RIN2: variants seen among roughly 807,000 people sequenced by gnomAD.
RIN2 encodes the protein Ras and Rab interactor 2.
In RIN2, 36 loss-of-function variants were observed where a neutral mutation model predicts 78.0. The observed-to-expected ratio is 0.46, with a 90% confidence interval of 0.35 to 0.61. RIN2 has a LOEUF of 0.61. Among genes scored for constraint, RIN2 ranks in the 20% least tolerant of loss-of-function variants. The pLI, the probability that RIN2 is intolerant of heterozygous loss-of-function variation, is 0.00. For synonymous variants in RIN2, 466 were observed against 466.8 expected (o/e 1.00, Z 0.02); for missense variants, 1,087 against 1,159.7 (o/e 0.94, Z 0.91).
intron 9 of RIN2, among the ~76,000 whole-genome samples, chr20:19,977,969 A>T (rs1259828789): frequency 6.6e-6 from 1 of 152,132 alleles, no homozygotes; most frequent in African/African-American, 2.4e-5. Flanking sequence ...TGAAATAAAG[A>T]AGGTGAGTGG....
intron 7 of RIN2, among the ~76,000 whole-genome samples, chr20:19,968,174 G>A (rs1453103475): frequency 6.6e-6 from 1 of 152,116 alleles, no homozygotes; most frequent in Non-Finnish European, 1.5e-5. Flanking sequence ...ACAGAATGGG[G>A]GCATCACGGC....
intron 1 of RIN2, among the ~76,000 whole-genome samples, chr20:19,779,524 G>A (rs1024630396): frequency 1.3e-5 from 2 of 152,136 alleles, no homozygotes; most frequent in East Asian, 1.9e-4. Context: ...ATGAGAGAAC[G>A]TGGAAGCTGG....
chr20:19,823,023 C>T (rs928703620), intron 2 of RIN2, among the ~76,000 whole-genome samples: 3 of 152,166 alleles, frequency 2.0e-5, no homozygotes, highest in Admixed American at 6.5e-5. Flanking sequence ...TCATATTACA[C>T]ACATTGTGCT....
intron 1 of RIN2, among the ~76,000 whole-genome samples, chr20:19,763,461 T>C (rs2033735282): frequency 6.6e-6 from 1 of 152,176 alleles, no homozygotes; most frequent in African/African-American, 2.4e-5. Context: ...GCTGAAAGTG[T>C]GAATAGAACC....
At chr20:19,904,808 C>T (rs2039148249) in intron 3 of RIN2, among the ~76,000 whole-genome samples, 1 of 152,202 alleles carries the variant, frequency 6.6e-6, no homozygotes, top group South Asian at 2.1e-4. Context: ...TGTCTCCATC[C>T]ATCAACCAAG....
intron 2 of RIN2, among the ~76,000 whole-genome samples, chr20:19,845,558 C>T (rs1312038595): frequency 7.0e-6 from 1 of 143,044 alleles, no homozygotes; most frequent in African/African-American, 2.6e-5. Flanking sequence ...TGTTCATACC[C>T]TTCACCTACT....
chr20:19,923,712 C>A (rs1035598457), intron 3 of RIN2, among the ~76,000 whole-genome samples: 2 of 152,114 alleles, frequency 1.3e-5, no homozygotes, highest in Non-Finnish European at 2.9e-5. Context: ...TTATTCACAA[C>A]AAAATACTCA....
intron 2 of RIN2, among the ~76,000 whole-genome samples, chr20:19,844,595 T>TTCC (rs1555832142): frequency 8.6e-5 from 5 of 58,404 alleles, no homozygotes; most frequent in African/African-American, 3.0e-4. Context: ...CTGCTGCTGC[T>TTCC]TCTTCCTCTT....
intron 2 of RIN2, among the ~76,000 whole-genome samples, chr20:19,871,165 G>A (rs1187687673): frequency 6.6e-6 from 1 of 152,150 alleles, no homozygotes; most frequent in Non-Finnish European, 1.5e-5. Context: ...CTTTCATTGT[G>A]GTCTGATGGG....
At chr20:19,947,142 C>A (rs570050869) in intron 4 of RIN2, among the ~76,000 whole-genome samples, 1 of 152,144 alleles carries the variant, frequency 6.6e-6, no homozygotes, top group South Asian at 2.1e-4. Flanking sequence ...CCATGGATTA[C>A]CTTGATGTAT....
chr20:19,943,736 T>G (rs1378404260), intron 4 of RIN2, among the ~76,000 whole-genome samples: 1 of 152,108 alleles, frequency 6.6e-6, no homozygotes, highest in Non-Finnish European at 1.5e-5. Flanking sequence ...CCTTAAAACT[T>G]GGCTAAATAT....
At chr20:19,943,170 C>A (rs1281939526) in intron 4 of RIN2, among the ~76,000 whole-genome samples, 1 of 152,198 alleles carries the variant, frequency 6.6e-6, no homozygotes, top group Non-Finnish European at 1.5e-5. Context: ...ACAACAGGTT[C>A]TTTGTTCCTC....
intron 2 of RIN2, among the ~76,000 whole-genome samples, chr20:19,886,195 CCAGCCCACAGCCAGGGTCCAGGTGG>C (rs554047117): frequency 1.4e-3 from 217 of 152,338 alleles, no homozygotes; most frequent in Non-Finnish European, 2.2e-3. Context: ...CCCCAGTCAG[CCAGCCCACAGCCAGGGTCCAGGTGG>C]CAGCCTCAGC....
chr20:19,867,187 G>A (rs868420733), intron 2 of RIN2, among the ~76,000 whole-genome samples: 3 of 151,792 alleles, frequency 2.0e-5, no homozygotes, highest in South Asian at 2.1e-4. Flanking sequence ...CACACAACAC[G>A]TGCACACATG....
At chr20:19,779,210 C>T (rs1252308927) in intron 1 of RIN2, among the ~76,000 whole-genome samples, 1 of 152,108 alleles carries the variant, frequency 6.6e-6, no homozygotes, top group Non-Finnish European at 1.5e-5. Flanking sequence ...TGATTTCTGG[C>T]TCAGTTCTCA....
rs374814888 is a variant in RIN2 at position 19,989,996 on chromosome 20, T to C, written c.1763-10T>C. ...GACAATAGTCATAGTAGCTACACTT[T>C]CTTTGGCAGATGTGGTGCTGGAAAA... is the stretch of plus-strand genomic sequence containing the variant. On this transcript the variant is annotated splice_polypyrimidine_tract_variant and intron_variant, in intron 9 of 12. Coordinates refer to ENST00000255006, the MANE Select transcript of RIN2 (RefSeq NM_018993.4). The C allele has an allele frequency of 1.3e-4, 206 of 1,533,648 alleles. No homozygotes were observed. Among genetic ancestry groups the C allele is most frequent in the Non-Finnish European group, 1.7e-4 (196 of 1,142,666 alleles).
At chr20:19,879,004 G>A (rs2037940020) in intron 2 of RIN2, among the ~76,000 whole-genome samples, 1 of 152,202 alleles carries the variant, frequency 6.6e-6, no homozygotes, top group African/African-American at 2.4e-5. Context: ...GGGTGAGGTA[G>A]AACATTGAGA....
At chr20:19,895,670 G>A (rs2038688583) in intron 3 of RIN2, 1 of 152,250 alleles carries the variant, frequency 6.6e-6, no homozygotes, top group African/African-American at 2.4e-5. Flanking sequence ...CCCAACTTGA[G>A]AGGCCCTCTT....
intron 3 of RIN2, among the ~76,000 whole-genome samples, chr20:19,922,798 G>A (rs529124481): frequency 2.0e-5 from 3 of 152,270 alleles, no homozygotes; most frequent in South Asian, 4.1e-4. Context: ...GATACAATTA[G>A]CCAATGCATT....
Sources: allele counts gnomAD v4.1 joint callset (sites outside exome capture counted in the v4.1 genomes callset), GRCh38; gene constraint gnomAD v4.1.1; transcripts MANE v1.5; gene names NCBI Gene and HGNC (gene_info 2026-07-23, HGNC 2026-07-21).